The following ARHGEF3 variants were observed in gnomAD, a reference collection of about 807,000 sequenced individuals.
ARHGEF3 encodes Rho guanine nucleotide exchange factor 3.
A neutral mutation model predicts 63.2 loss-of-function variants in ARHGEF3; 28 were observed. That is an observed-to-expected ratio of 0.44 (90% CI 0.33 to 0.61). ARHGEF3 has a LOEUF of 0.61. Among genes scored for constraint, ARHGEF3 ranks in the 20% least tolerant of loss-of-function variants. The pLI is 0.03. For missense variants in ARHGEF3, 533 were observed against 659.3 expected, an observed-to-expected ratio of 0.81 and a Z score of 2.10; for synonymous variants, 266 against 254.2, an observed-to-expected ratio of 1.05 and a Z score of -0.44.
intron 2 of ARHGEF3, among the ~76,000 whole-genome samples, chr3:56,992,386 A>AAC (rs1166381724): frequency 1.0e-5 from 1 of 99,302 alleles, no homozygotes; most frequent in Non-Finnish European, 1.8e-5. Flanking sequence ...AAAAAAAAAA[A>AAC]AAAAAAAAAA....
intron 1 of ARHGEF3, among the ~76,000 whole-genome samples, chr3:56,774,840 C>G (rs532694750): frequency 2.0e-5 from 3 of 151,848 alleles, no homozygotes; most frequent in Admixed American, 2.0e-4. Flanking sequence ...TCCAGTGAGC[C>G]GAGATTGCGC....
rs771947435 is a variant in ARHGEF3, at chr3:56,755,102, C to A, written c.254G>T (p.Arg85Leu). 11 of 1,613,724 alleles carry A rather than the reference C, an allele frequency of 6.8e-6. No homozygotes were observed. The highest frequency in any genetic ancestry group is 2.2e-5 in the South Asian group (2 of 91,052). The change falls in exon 3 of 10, where the codon CGA becomes CTA. Residue 85 changes from arginine (R) to leucine (L), a missense_variant. Physicochemically the swap from Arg to Leu is moderately radical, Grantham distance 102 (BLOSUM62 -2). Transcript: ENST00000296315. The stretch of plus-strand genomic sequence containing the variant: ...GGGGGCGGCATTTCTGGACCAGGGT[C>A]GGGGGGCGAGGATGTCAGGGCGGCT... ...SESRPDILAPRPWSRNAAPSS... is the reference protein window; with the variant it reads ...SESRPDILAPLPWSRNAAPSS...
intron 1 of ARHGEF3, among the ~76,000 whole-genome samples, chr3:56,779,269 C>T (rs1228254202): frequency 6.6e-6 from 1 of 150,828 alleles, no homozygotes; most frequent in Non-Finnish European, 1.5e-5. Context: ...TATATATGAA[C>T]AAAGGACATA....
chr3:56,784,367 T>C (rs1454089421), intron 1 of ARHGEF3, among the ~76,000 whole-genome samples: 3 of 152,026 alleles, frequency 2.0e-5, no homozygotes, highest in Non-Finnish European at 2.9e-5. Flanking sequence ...GTCTGGAAAA[T>C]GGGGCTGGAC....
chr3:56,993,905 A>T (rs1701863558), intron 2 of ARHGEF3, among the ~76,000 whole-genome samples: 1 of 151,034 alleles, frequency 6.6e-6, no homozygotes, highest in South Asian at 2.1e-4. Flanking sequence ...TCTACTAAAT[A>T]TACAAAAAAT....
intron 3 of ARHGEF3, 128 bp from the exon 4 acceptor site, chr3:56,753,694 G>T: frequency 1.3e-6 from 1 of 745,272 alleles, no homozygotes. Flanking sequence ...ACGTTAACCT[G>T]AAGCAAATGC....
intron 3 of ARHGEF3, among the ~76,000 whole-genome samples, chr3:56,902,449 C>G (rs981840326): frequency 6.6e-6 from 1 of 152,174 alleles, no homozygotes; most frequent in Non-Finnish European, 1.5e-5. Flanking sequence ...GGGAGGCAGG[C>G]CCTGCACAGA....
chr3:56,946,771 A>T (rs1487642566), intron 3 of ARHGEF3, among the ~76,000 whole-genome samples: 1 of 152,214 alleles, frequency 6.6e-6, no homozygotes. Context: ...CAGGAAACAC[A>T]GACAATGTCA....
intron 3 of ARHGEF3, among the ~76,000 whole-genome samples, chr3:56,896,472 C>T (rs1319100958): frequency 6.6e-6 from 1 of 152,270 alleles, no homozygotes; most frequent in Non-Finnish European, 1.5e-5. Flanking sequence ...TCAACTCGTT[C>T]ACCACTTTTT....
intron 1 of ARHGEF3, chr3:56,775,845 T>G (rs1047491613): frequency 3.8e-6 from 1 of 263,292 alleles, no homozygotes; most frequent in African/African-American, 2.3e-5. Context: ...TCCCCTGAAT[T>G]TGTCTAAATG....
intron 4 of ARHGEF3, among the ~76,000 whole-genome samples, chr3:56,815,754 C>A (rs1459430446): frequency 1.3e-5 from 2 of 152,226 alleles, no homozygotes; most frequent in Admixed American, 1.3e-4. Context: ...CCTACACTGT[C>A]TTCTTCCTAC....
At chr3:56,841,814 T>C (rs969796947) in intron 4 of ARHGEF3, among the ~76,000 whole-genome samples, 2 of 152,248 alleles carry the variant, frequency 1.3e-5, no homozygotes, top group East Asian at 3.9e-4. Flanking sequence ...AGTGTGTGTG[T>C]GGAGCGCCAA....
chr3:56,754,829 G>A, intron 3 of ARHGEF3, 152 bp downstream of exon 3: 3 of 1,024,348 alleles, frequency 2.9e-6, no homozygotes, highest in Non-Finnish European at 4.1e-6. Context: ...TGGTTTCTCA[G>A]TTCCTTCCCC....
chr3:56,733,945 T>C (rs111944675), intron 8 of ARHGEF3, among the ~76,000 whole-genome samples: 44 of 140,176 alleles, frequency 3.1e-4, no homozygotes, highest in African/African-American at 1.1e-3. Flanking sequence ...GATCGGGCCA[T>C]TGCACTCCAG....
intron 4 of ARHGEF3, among the ~76,000 whole-genome samples, chr3:56,807,733 C>T (rs913148279): frequency 3.9e-5 from 6 of 152,186 alleles, no homozygotes; most frequent in African/African-American, 1.4e-4. Context: ...GTAAAAATGG[C>T]ACAAATGAAG....
intron 2 of ARHGEF3, among the ~76,000 whole-genome samples, chr3:56,979,025 A>G (rs1412476323): frequency 6.6e-6 from 1 of 152,192 alleles, no homozygotes; most frequent in Non-Finnish European, 1.5e-5. Context: ...CCATAGTGGC[A>G]TGCACCTGTA....
chr3:56,753,356 T>G, intron 4 of ARHGEF3, 148 bp downstream of exon 4: 1 of 680,914 alleles, frequency 1.5e-6, no homozygotes, highest in East Asian at 2.8e-5. Context: ...CCCTCTTGTT[T>G]TGAAACACTT....
intron 6 of ARHGEF3, among the ~76,000 whole-genome samples, chr3:56,748,524 TC>T (rs2034532479): frequency 6.7e-6 from 1 of 149,290 alleles, no homozygotes; most frequent in South Asian, 2.1e-4. Context: ...AGTTCTTTTA[TC>T]CCCCTAATAT....
rs137974616 is a variant in ARHGEF3, at chr3:56,880,888, A to G, written c.192+1404T>C. Among the ~76,000 whole-genome samples, 17 of 152,334 alleles carry G rather than the reference A, an allele frequency of 1.1e-4. No individual in the cohort carries two copies. In the East Asian group the frequency reaches 1.9e-3, roughly 17 times the overall value. Reference sequence around the variant, plus strand: ...CACGGCAACTTAGTAAACTGGCCCAACTCCATCAATCTGAGGGTCTAAAGA... The same window carrying G: ...CACGGCAACTTAGTAAACTGGCCCAGCTCCATCAATCTGAGGGTCTAAAGA... On this transcript the variant is annotated intron_variant, in intron 4 of 12. Coordinates refer to the ARHGEF3 transcript ENST00000338458.
Sources: allele counts gnomAD v4.1 joint callset (sites outside exome capture counted in the v4.1 genomes callset), GRCh38; gene constraint gnomAD v4.1.1; transcripts MANE v1.5; gene names NCBI Gene and HGNC (gene_info 2026-07-23, HGNC 2026-07-21).